BRMS1L: variants seen among roughly 807,000 people sequenced by gnomAD.
BRMS1L encodes the protein BRMS1 like transcriptional repressor.
BRMS1L carries 23 observed loss-of-function variants against 50.3 expected under a neutral mutation model. That is an observed-to-expected ratio of 0.46 (90% CI 0.33 to 0.65). The LOEUF (loss-of-function observed/expected upper bound fraction) is 0.65, where lower values mean the gene tolerates loss of function less well. Among genes scored for constraint, BRMS1L ranks in the 30% least tolerant of loss-of-function variants. The pLI is 0.02. For synonymous variants in BRMS1L, 114 were observed against 126.9 expected, an observed-to-expected ratio of 0.90 and a Z score of 0.69; for missense variants, 286 against 386.1, an observed-to-expected ratio of 0.74 and a Z score of 2.17.
rs2077842064 is a variant in BRMS1L at position 35,826,402 on chromosome 14, A to G, written c.-115A>G. The G allele has an allele frequency of 6.8e-7, 1 of 1,474,498 alleles. No homozygotes were observed. The highest frequency in any genetic ancestry group is 1.2e-5 in the South Asian group (1 of 81,736). The allele number at this position is 1,474,498 out of a possible 1,614,324, so 91.3% of individuals were successfully genotyped here. On this transcript the variant is annotated 5_prime_UTR_variant, in exon 1 of 10. Transcript: ENST00000216807. ...CCCGGGCCGGGGGCGGGGAGGAGCC[A>G]AGGGGGCGAGCAAGCTCGGTGGCTG...
rs111447090 is a variant in BRMS1L, at chr14:35,870,667, G to T, written c.*190G>T. The T allele has an allele frequency of 2.9e-6, 1 of 347,840 alleles. No individual in the cohort carries two copies. Among genetic ancestry groups the T allele is most frequent in the African/African-American group, 2.2e-5 (1 of 46,324 alleles). The allele number at this position is 347,840 out of a possible 1,614,324, so 21.5% of individuals were successfully genotyped here. A position where few individuals can be genotyped will look rare whatever the true frequency, so the allele number is the denominator to read the frequency against. On this transcript the variant is annotated 3_prime_UTR_variant, in exon 10 of 10. Coordinates refer to ENST00000216807, the MANE Select transcript of BRMS1L (RefSeq NM_032352.4). ...GAAACAGTAATAAAAATTTTATCACGATCCTTACGTTGATTTGCCTCTTAG... is the reference window on the plus strand; with the variant it reads ...GAAACAGTAATAAAAATTTTATCACTATCCTTACGTTGATTTGCCTCTTAG...
At chr14:35,834,101 T>C (rs754740342) in intron 3 of BRMS1L, among the ~76,000 whole-genome samples, 21 of 152,200 alleles carry the variant, frequency 1.4e-4, no homozygotes, top group Non-Finnish European at 2.4e-4. Flanking sequence ...AATGTGTTGC[T>C]GATGACGTAG....
chr14:35,865,645 A>T (rs1272005383), intron 7 of BRMS1L, 77 bp from the exon 8 acceptor site: 10 of 1,137,480 alleles, frequency 8.8e-6, no homozygotes, highest in Admixed American at 2.5e-5. Flanking sequence ...TATTGTATAT[A>T]TTAAATAGAT....
chr14:35,857,263 A>T (rs990587299), intron 4 of BRMS1L, among the ~76,000 whole-genome samples: 1 of 147,000 alleles, frequency 6.8e-6, no homozygotes, highest in African/African-American at 2.5e-5. Context: ...ATATATATAT[A>T]TGTATATATA....
In BRMS1L at chr14:35,830,311, C is replaced by T. The variant is rs1480594329; in HGVS notation, c.143-1099C>T. Among the ~76,000 whole-genome samples the T allele has an allele frequency of 3.3e-5, 5 of 152,126 alleles. No homozygotes were observed. The East Asian group carries it at 5.8e-4, about 18-fold the overall frequency. On this transcript the variant is annotated intron_variant, in intron 1 of 9. Transcript: ENST00000216807. ...CTCGAACTCCTGACCTCAGGTGATCCGCCTGCCTCAGCCTCCCAAAGTGCT... is the reference window on the plus strand; with the variant it reads ...CTCGAACTCCTGACCTCAGGTGATCTGCCTGCCTCAGCCTCCCAAAGTGCT...
At chr14:35,840,177 G>A (rs2078044873) in intron 4 of BRMS1L, among the ~76,000 whole-genome samples, 1 of 152,188 alleles carries the variant, frequency 6.6e-6, no homozygotes, top group Admixed American at 6.5e-5. Context: ...TACGTTTATT[G>A]ATTTGTGTAT....
intron 4 of BRMS1L, among the ~76,000 whole-genome samples, chr14:35,860,863 A>C (rs1427109794): frequency 6.6e-6 from 1 of 152,234 alleles, no homozygotes; most frequent in East Asian, 1.9e-4. Flanking sequence ...AGGATCAGTA[A>C]GTCTAGATGT....
At chr14:35,829,769 G>C (rs1206530087) in intron 1 of BRMS1L, 1 of 1,030,794 alleles carries the variant, frequency 9.7e-7, no homozygotes, top group Non-Finnish European at 1.3e-6. Flanking sequence ...AAAAATAATT[G>C]AACATGATTT....
chr14:35,826,727 A>T, intron 1 of BRMS1L, 69 bp downstream of exon 1: 1 of 1,576,200 alleles, frequency 6.3e-7, no homozygotes, highest in Non-Finnish European at 8.6e-7. Flanking sequence ...TCCGCACGCC[A>T]GGCGGCTGCG....
chr14:35,831,359 G>T, intron 1 of BRMS1L, 51 bp from the exon 2 acceptor site: 1 of 1,331,314 alleles, frequency 7.5e-7, no homozygotes, highest in South Asian at 1.2e-5. Context: ...GAGATGTTCA[G>T]ATAAATTTGA....
At chr14:35,854,635 A>C (rs2078256521) in intron 4 of BRMS1L, among the ~76,000 whole-genome samples, 2 of 152,094 alleles carry the variant, frequency 1.3e-5, no homozygotes, top group South Asian at 2.1e-4. Flanking sequence ...CCAGAACTCC[A>C]TTATCTCTTT....
chr14:35,860,814 A>G (rs1161313196), intron 4 of BRMS1L, among the ~76,000 whole-genome samples: 1 of 152,238 alleles, frequency 6.6e-6, no homozygotes, highest in East Asian at 1.9e-4. Context: ...GATGAGAAAC[A>G]GCATAGGCGT....
At chr14:35,843,399 C>T (rs1255535171) in intron 4 of BRMS1L, among the ~76,000 whole-genome samples, 3 of 152,072 alleles carry the variant, frequency 2.0e-5, no homozygotes, top group African/African-American at 7.2e-5. Flanking sequence ...TGATGCTATT[C>T]CTTTCTGTTC....
intron 1 of BRMS1L, among the ~76,000 whole-genome samples, chr14:35,830,887 G>C (rs1027762868): frequency 6.6e-6 from 1 of 151,130 alleles, no homozygotes; most frequent in Non-Finnish European, 1.5e-5. Flanking sequence ...AGAGGGTCTA[G>C]AGACCAGTAT....
At position 35,867,900 on chromosome 14, in the gene BRMS1L, C is replaced by CT; in HGVS notation, c.728-3dup. Reference sequence around the variant, plus strand: ...AATATAACAGTTTTTGAACTGATCCCTTTAGCACCTGTGAAACTGGAAAAA... The same window carrying CT: ...AATATAACAGTTTTTGAACTGATCCCTTTTAGCACCTGTGAAACTGGAAAAA... On this transcript the variant is annotated splice_polypyrimidine_tract_variant and splice_region_variant and intron_variant, in intron 8 of 9. Transcript: ENST00000216807. 6 of 1,590,684 alleles carry CT rather than the reference C, an allele frequency of 3.8e-6. No individual in the cohort carries two copies. The highest frequency in any genetic ancestry group is 5.1e-6 in the Non-Finnish European group (6 of 1,173,164).
chr14:35,859,363 C>T (rs1443263886), intron 4 of BRMS1L, among the ~76,000 whole-genome samples: 1 of 152,200 alleles, frequency 6.6e-6, no homozygotes, highest in African/African-American at 2.4e-5. Context: ...CATCTTGACG[C>T]TCACACTTAA....
At chr14:35,860,985 G>C (rs2078343559) in intron 4 of BRMS1L, among the ~76,000 whole-genome samples, 1 of 152,190 alleles carries the variant, frequency 6.6e-6, no homozygotes, top group South Asian at 2.1e-4. Context: ...ACCAAAGCAA[G>C]AGAGTTAGCC....
chr14:35,842,513 A>G (rs1016220645), intron 4 of BRMS1L, among the ~76,000 whole-genome samples: 1 of 152,024 alleles, frequency 6.6e-6, no homozygotes, highest in South Asian at 2.1e-4. Flanking sequence ...CCTCCACTCT[A>G]TTCTGGCCTT....
chr14:35,839,373 T>C (rs1046807631), intron 4 of BRMS1L, among the ~76,000 whole-genome samples: 2 of 152,216 alleles, frequency 1.3e-5, no homozygotes, highest in African/African-American at 2.4e-5. Flanking sequence ...TGGTTCCGTA[T>C]GAAATTTAAA....
Sources: allele counts gnomAD v4.1 joint callset (sites outside exome capture counted in the v4.1 genomes callset), GRCh38; gene constraint gnomAD v4.1.1; transcripts MANE v1.5; gene names NCBI Gene and HGNC (gene_info 2026-07-23, HGNC 2026-07-21).